Variants in SEPTIN12 observed in about 807,000 individuals in gnomAD.
SEPTIN12 encodes the protein septin 12, also known as septin-12.
SEPTIN12 carries 42 observed loss-of-function variants against 37.7 expected under a neutral mutation model. That is an observed-to-expected ratio of 1.11 (90% CI 0.87 to 1.44). SEPTIN12 has a LOEUF of 1.44. Ranked by LOEUF, SEPTIN12 falls within the 40% of genes most tolerant of loss-of-function variation. SEPTIN12 has a pLI of 0.00. For synonymous variants in SEPTIN12, 254 were observed against 196.7 expected, an observed-to-expected ratio of 1.29 and a Z score of -2.44; for missense variants, 613 against 479.2, an observed-to-expected ratio of 1.28 and a Z score of -2.61.
In SEPTIN12 at chr16:4,785,990, T is replaced by A; in HGVS notation, c.282A>T (p.Ser94=). ...VPTPQTLQLH[S]LTHVIEEKGV... is the part of the protein sequence containing the mutation. ...CAGGGGCTCACTCACCATGGGTCAG[T>A]GAATGCAGCTGCAGCGTCTGGGGTG... Residue 94 remains serine, a synonymous_variant, in exon 3 of 10, where the codon TCA becomes TCT. Transcript: ENST00000268231. The A allele has an allele frequency of 6.2e-7, 1 of 1,612,998 alleles. No homozygotes were observed. Among genetic ancestry groups the A allele is most frequent in the Non-Finnish European group, 8.5e-7 (1 of 1,179,446 alleles).
intron 5 of SEPTIN12, 36 bp from the exon 6 acceptor site, chr16:4,783,802 G>A: frequency 6.2e-7 from 1 of 1,606,150 alleles, no homozygotes; most frequent in Non-Finnish European, 8.5e-7. Flanking sequence ...GGTGGCGGTG[G>A]TGGTGAGTGT....
chr16:4,787,003 T>C (rs2880223), intron 2 of SEPTIN12, among the ~76,000 whole-genome samples: 10,026 of 151,698 alleles, frequency 0.066, 1,112 homozygotes, highest in African/African-American at 0.23. Flanking sequence ...GCCTCCTAAG[T>C]AGCTCCTAAG....
At chr16:4,782,415 C>T (rs13332050) in intron 7 of SEPTIN12, among the ~76,000 whole-genome samples, 10,023 of 152,234 alleles carry the variant, frequency 0.066, 1,114 homozygotes, top group African/African-American at 0.23. Flanking sequence ...TGAACATTCA[C>T]GTACACATTT....
Position 4,785,792 on chromosome 16 carries a change from AG to A in SEPTIN12, c.374+14del, listed in dbSNP as rs371655571. 3,685 of 1,219,488 alleles carry A rather than the reference AG, an allele frequency of 3.0e-3. 23 individuals carry two copies. Among genetic ancestry groups the A allele is most frequent in the Non-Finnish European group, 3.3e-3 (3,002 of 896,504 alleles). The allele number at this position is 1,219,488 out of a possible 1,614,324, so 75.5% of individuals were successfully genotyped here. Reference sequence around the variant, plus strand: ...AAACTCTGCCTAAAAAAAAAAAAAAAGAGAGAGAACCTACCAGTTGTCATTG... The same window carrying A: ...AAACTCTGCCTAAAAAAAAAAAAAAAAGAGAGAACCTACCAGTTGTCATTG... On this transcript the variant is annotated intron_variant, in intron 4 of 9. Coordinates refer to ENST00000268231, the MANE Select transcript of SEPTIN12 (RefSeq NM_144605.5).
intron 7 of SEPTIN12, 46 bp downstream of exon 7, chr16:4,783,416 T>A (rs2082394453): frequency 1.5e-6 from 2 of 1,353,446 alleles, no homozygotes. Flanking sequence ...AAAGGATGTG[T>A]GGGAAGGAAA....
At chr16:4,791,144 G>A (rs189751593), upstream of SEPTIN12, among the ~76,000 whole-genome samples, 419 of 152,362 alleles carry the variant, frequency 2.8e-3, 1 homozygote, top group Non-Finnish European at 4.0e-3. Context: ...CCATGTGAGC[G>A]ATGGTCTAAT....
chr16:4,784,224 C>G (rs2141874664), intron 4 of SEPTIN12, 156 bp from the exon 5 acceptor site: 1 of 721,850 alleles, frequency 1.4e-6, no homozygotes, highest in African/African-American at 1.8e-5. Flanking sequence ...CCCCCACTTC[C>G]CTGCATCATC....
chr16:4,779,614 G>T, intron 8 of SEPTIN12, 76 bp downstream of exon 8: 1 of 860,452 alleles, frequency 1.2e-6, no homozygotes. Flanking sequence ...CCTGTGATGG[G>T]TGCGAAGGTT....
chr16:4,782,816 G>T (rs2082386673), intron 7 of SEPTIN12, among the ~76,000 whole-genome samples: 2 of 151,932 alleles, frequency 1.3e-5, no homozygotes, highest in Non-Finnish European at 1.5e-5. Context: ...TGTTGGCCAG[G>T]CTGGTCTCGA....
chr16:4,788,409 A>T (rs1567576922), upstream of SEPTIN12: 1 of 152,366 alleles, frequency 6.6e-6, no homozygotes, highest in Non-Finnish European at 1.5e-5. Flanking sequence ...ACTTGCTGTG[A>T]CCCCCACCTG....
intron 4 of SEPTIN12, among the ~76,000 whole-genome samples, chr16:4,785,277 G>T (rs1253959631): frequency 1.3e-5 from 2 of 150,862 alleles, no homozygotes; most frequent in African/African-American, 2.4e-5. Flanking sequence ...GCCGGAAATT[G>T]CTTGAACCCA....
In SEPTIN12 at chr16:4,782,395, A is replaced by G. The variant is rs754943943; in HGVS notation, c.726+1067T>C. On this transcript the variant is annotated intron_variant, in intron 7 of 9. Transcript: ENST00000268231. ...TTCCACTTTCGGGGCTAAAATAAAT[A>G]ATGCTGCTGTGAACATTCACGTACA... Among the ~76,000 whole-genome samples the G allele has an allele frequency of 1.0e-3, 159 of 152,298 alleles. 1 individual carries two copies. Among genetic ancestry groups the G allele is most frequent in the Middle Eastern group, 3.4e-3 (1 of 294 alleles).
chr16:4,785,795 G>C lies in SEPTIN12; in HGVS notation c.374+12C>G, dbSNP rs555677863. On this transcript the variant is annotated intron_variant, in intron 4 of 9. Transcript: ENST00000268231. ...CTCTGCCTAAAAAAAAAAAAAAAGA[G>C]AGAGAACCTACCAGTTGTCATTGTT... 7.7e-6 allele frequency: 11 copies of C among 1,436,560 alleles called. No homozygotes were observed. Among genetic ancestry groups the C allele is most frequent in the Non-Finnish European group, 9.6e-6 (10 of 1,038,228 alleles). The allele number at this position is 1,436,560 out of a possible 1,614,324, so 89.0% of individuals were successfully genotyped here. A position where few individuals can be genotyped will look rare whatever the true frequency, so the allele number is the denominator to read the frequency against.
intron 2 of SEPTIN12, 44 bp downstream of exon 2, chr16:4,787,436 A>C: frequency 6.3e-7 from 1 of 1,587,856 alleles, no homozygotes; most frequent in Non-Finnish European, 8.6e-7. Flanking sequence ...AGGCACGCGT[A>C]GCACTGTGGG....
At chr16:4,781,903 C>T (rs1028271933) in intron 7 of SEPTIN12, among the ~76,000 whole-genome samples, 2 of 142,172 alleles carry the variant, frequency 1.4e-5, no homozygotes, top group Non-Finnish European at 3.0e-5. Flanking sequence ...CTCAGCCGCC[C>T]AAAGTGCTGG....
intron 2 of SEPTIN12, 85 bp downstream of exon 2, chr16:4,787,395 G>C: frequency 8.0e-7 from 1 of 1,246,302 alleles, no homozygotes; most frequent in Non-Finnish European, 1.2e-6. Flanking sequence ...GGGGAGGGGC[G>C]ACAGGCTGCC....
Position 4,783,463 on chromosome 16 carries a change from C to T in SEPTIN12, c.725G>A (p.Arg242Gln), listed in dbSNP as rs995986970. Residue 242 changes from arginine to glutamine, a missense_variant and splice_region_variant, in exon 7 of 10, where the codon CGG becomes CAG. Arg to Gln is a conservative substitution (Grantham distance 43, BLOSUM62 1). Coordinates refer to ENST00000268231, the MANE Select transcript of SEPTIN12 (RefSeq NM_144605.5). ...INDKILNSKL[R>Q]DRIPFAVVGA... ...GCCTCCCGCCCCACAGCCTCTCACC[C>T]GTAACTTGCTGTTGAGGATTTTGTC... The T allele has an allele frequency of 1.2e-6, 2 of 1,613,430 alleles. No individual in the cohort carries two copies. The highest frequency in any genetic ancestry group is 1.1e-5 in the South Asian group (1 of 91,058).
chr16:4,788,542 C>T (rs1275158644), upstream of SEPTIN12: 1 of 152,178 alleles, frequency 6.6e-6, no homozygotes, highest in Non-Finnish European at 1.5e-5. Flanking sequence ...CAGCTGGGCT[C>T]CCACCTCCAA....
chr16:4,778,851 A>C (rs1431281522), intron 8 of SEPTIN12, among the ~76,000 whole-genome samples: 2 of 142,296 alleles, frequency 1.4e-5, no homozygotes, highest in South Asian at 2.3e-4. Flanking sequence ...ATAATAATAC[A>C]TCACCTGACC....
Sources: gnomAD v4.1 joint callset for allele counts (sites outside exome capture counted in the v4.1 genomes callset) on GRCh38, gnomAD v4.1.1 for gene constraint, MANE v1.5 for transcripts, NCBI Gene and HGNC (gene_info 2026-07-23, HGNC 2026-07-21) for gene names.